Variants in DLEU7 observed in about 807,000 individuals in gnomAD.
DLEU7 encodes leukemia-associated protein 7.
In DLEU7, 17 loss-of-function variants were observed where a neutral mutation model predicts 16.0. The observed-to-expected ratio is 1.06, with a 90% CI of 0.73 to 1.59. The LOEUF (loss-of-function observed/expected upper bound fraction) is 1.59, where lower values mean the gene tolerates loss of function less well. Ranked by LOEUF, DLEU7 falls within the 40% of genes most tolerant of loss-of-function variation. DLEU7 has a pLI of 0.00. For missense variants in DLEU7, 308 were observed against 314.9 expected, an observed-to-expected ratio of 0.98 and a Z score of 0.17; for synonymous variants, 113 against 139.8, an observed-to-expected ratio of 0.81 and a Z score of 1.35.
At chr13:50,808,875 G>GA (rs80168974) in intron 1 of DLEU7, among the ~76,000 whole-genome samples, 39 of 145,848 alleles carry the variant, frequency 2.7e-4, no homozygotes, top group South Asian at 6.6e-4. Context: ...ATTTCAGAAG[G>GA]AAAAAAAAAA....
chr13:50,761,012 G>C (rs1243547408), intron 1 of DLEU7, among the ~76,000 whole-genome samples: 1 of 152,128 alleles, frequency 6.6e-6, no homozygotes, highest in Non-Finnish European at 1.5e-5. Flanking sequence ...AAGTGACTTG[G>C]ATGGTGCAGC....
intron 1 of DLEU7, among the ~76,000 whole-genome samples, chr13:50,815,080 C>CA (rs1389766131): frequency 6.6e-6 from 1 of 151,978 alleles, no homozygotes; most frequent in East Asian, 1.9e-4. Context: ...ATTTATTTGG[C>CA]AAACTGTTTT....
At chr13:50,827,513 T>TAAA (rs200738869) in intron 1 of DLEU7, among the ~76,000 whole-genome samples, 4 of 136,886 alleles carry the variant, frequency 2.9e-5, no homozygotes, top group Admixed American at 7.3e-5. Context: ...ACCCTGTCTC[T>TAAA]AAAAAAAAAA....
At chr13:50,801,332 T>C (rs1876240648) in intron 1 of DLEU7, among the ~76,000 whole-genome samples, 1 of 152,020 alleles carries the variant, frequency 6.6e-6, no homozygotes, top group Admixed American at 6.6e-5. Flanking sequence ...CTTCCTGAGG[T>C]CGCTTCAGAT....
chr13:50,818,138 G>A (rs1478006705), downstream of DLEU7, among the ~76,000 whole-genome samples: 2 of 152,044 alleles, frequency 1.3e-5, no homozygotes, highest in Non-Finnish European at 2.9e-5. Flanking sequence ...GTTATAAAAG[G>A]ACATCCACAA....
At chr13:50,770,575 T>C (rs1278744139) in intron 1 of DLEU7, among the ~76,000 whole-genome samples, 1 of 152,242 alleles carries the variant, frequency 6.6e-6, no homozygotes, top group East Asian at 1.9e-4. Context: ...AGATTATGTT[T>C]ATTGATTTGC....
At chr13:50,808,343 A>G (rs1876455507) in intron 1 of DLEU7, among the ~76,000 whole-genome samples, 1 of 152,088 alleles carries the variant, frequency 6.6e-6, no homozygotes, top group South Asian at 2.1e-4. Flanking sequence ...AAGAATATTC[A>G]TTTTCTATCA....
chr13:50,751,911 T>A (rs1874576938), intron 1 of DLEU7, among the ~76,000 whole-genome samples: 1 of 148,954 alleles, frequency 6.7e-6, no homozygotes, highest in African/African-American at 2.5e-5. Context: ...CTTTTGTATT[T>A]TTTTTTGTTG....
intron 1 of DLEU7, among the ~76,000 whole-genome samples, chr13:50,782,758 A>G (rs985214782): frequency 1.4e-5 from 2 of 146,938 alleles, no homozygotes; most frequent in Non-Finnish European, 3.0e-5. Flanking sequence ...CCCACCCATC[A>G]TATACACTGT....
At chr13:50,718,163 TA>T (rs963521622) in intron 1 of DLEU7, among the ~76,000 whole-genome samples, 2 of 152,058 alleles carry the variant, frequency 1.3e-5, no homozygotes, top group Admixed American at 6.6e-5. Context: ...TGCTCCAGGT[TA>T]AAAAAAATGT....
At position 50,843,089 on chromosome 13, in the gene DLEU7, G is replaced by T; in HGVS notation, c.459+99C>A. ...TGAATCACAGTGGGCAGCAGTGTTT[G>T]GGATCCTGCGATCCACCCATCGCCA... On this transcript the variant is annotated intron_variant, in intron 1 of 1. Coordinates refer to ENST00000504404, the MANE Select transcript of DLEU7 (RefSeq NM_001306135.2). This position sits in a 1 kb window ranked among gnomAD's most constrained non-coding sequence, Gnocchi z 5.7. The T allele has an allele frequency of 8.5e-7, 1 of 1,182,872 alleles. No individual in the cohort carries two copies. Among genetic ancestry groups the T allele is most frequent in the Non-Finnish European group, 1.1e-6 (1 of 870,136 alleles). The allele number at this position is 1,182,872 out of a possible 1,614,324, so 73.3% of individuals were successfully genotyped here.
In DLEU7 at chr13:50,823,459, A is replaced by C; in HGVS notation, c.521T>G (p.Phe174Cys). 1 of 1,535,960 alleles carries C rather than the reference A, an allele frequency of 6.5e-7. No individual in the cohort carries two copies. The highest frequency in any genetic ancestry group is 8.7e-7 in the Non-Finnish European group (1 of 1,146,760). ...HLALQIEGQQ[F>C]DRDLNAAHQC... ...GTGGGCAGCATTCAAGTCTCTGTCA[A>C]ACTGCTGTCCTTCAATCTGTAGAGC... The change falls in exon 2 of 2, where the codon TTT (phenylalanine) becomes TGT (cysteine). Residue 174 changes from phenylalanine (F) to cysteine (C), a missense_variant. Coordinates refer to ENST00000504404, the MANE Select transcript of DLEU7 (RefSeq NM_001306135.2).
chr13:50,827,053 T>C (rs1030728070), intron 1 of DLEU7, among the ~76,000 whole-genome samples: 3 of 152,170 alleles, frequency 2.0e-5, no homozygotes, highest in Non-Finnish European at 4.4e-5. Flanking sequence ...AGATTCAGGA[T>C]GCAACAGTGA....
chr13:50,830,597 G>GT (rs1234091305), intron 1 of DLEU7, among the ~76,000 whole-genome samples: 1 of 152,178 alleles, frequency 6.6e-6, no homozygotes, highest in African/African-American at 2.4e-5. Flanking sequence ...AGAGTGCTGG[G>GT]TTTTTATTGT....
intron 1 of DLEU7, among the ~76,000 whole-genome samples, chr13:50,842,190 T>G (rs1432951296): frequency 6.6e-6 from 1 of 152,196 alleles, no homozygotes; most frequent in Non-Finnish European, 1.5e-5. Context: ...ATGTTTGATT[T>G]TAAATAAATC....
Position 50,736,729 on chromosome 13 carries a change from A to C in DLEU7, c.460-23489T>G, listed in dbSNP as rs74932584. 8.2e-3 allele frequency among the ~76,000 whole-genome samples: 1,250 copies of C among 152,270 alleles called. 10 individuals are homozygous for C. Among genetic ancestry groups the C allele is most frequent in the South Asian group, 0.013 (65 of 4,816 alleles). On this transcript the variant is annotated intron_variant, in intron 1 of 1. Coordinates refer to the DLEU7 transcript ENST00000400393. ...AGGAAAGAAATTTAGCAGAGCCGAT[A>C]TTTGGAAAATACTCAGAAAAATTGA...
intron 1 of DLEU7, among the ~76,000 whole-genome samples, chr13:50,784,673 T>C (rs1037159875): frequency 6.6e-6 from 1 of 152,150 alleles, no homozygotes; most frequent in Non-Finnish European, 1.5e-5. Flanking sequence ...TGGACTCCCA[T>C]CCCTGACCTG....
In DLEU7 at chr13:50,843,542, G is replaced by A. The variant is rs1276860067; in HGVS notation, c.105C>T (p.Val35=). The change falls in exon 1 of 2, where the codon GTC becomes GTT. Residue 35 remains valine (V), a synonymous_variant. Transcript: ENST00000504404. The surrounding 1 kb of genome is among the most constrained non-coding windows in gnomAD (Gnocchi z 5.7). ...CTGGGTCCCGCGGGTTCCCGGGGGC[G>A]ACTGGACCGTCCCCCCAGCCCCACT... The part of the protein sequence containing the change: ...QQEWGWGDGP[V]APGNPRDPDH... The A allele has an allele frequency of 4.8e-6, 7 of 1,455,166 alleles. No individual in the cohort carries two copies. The highest frequency in any genetic ancestry group is 2.7e-5 in the South Asian group (2 of 74,474). The allele number at this position is 1,455,166 out of a possible 1,614,324, so 90.1% of individuals were successfully genotyped here.
At chr13:50,714,802 T>C (rs1309944926) in intron 1 of DLEU7, among the ~76,000 whole-genome samples, 1 of 152,184 alleles carries the variant, frequency 6.6e-6, no homozygotes, top group Non-Finnish European at 1.5e-5. Context: ...TTGGGGAACA[T>C]AGAATGTATT....
Sources: allele counts gnomAD v4.1 joint callset (sites outside exome capture counted in the v4.1 genomes callset), GRCh38; gene constraint gnomAD v4.1.1; non-coding constraint Gnocchi (gnomAD v3.1); transcripts MANE v1.5; gene names NCBI Gene and HGNC (gene_info 2026-07-23, HGNC 2026-07-21).